PTPN20: variants seen among roughly 807,000 people sequenced by gnomAD.
PTPN20 encodes protein tyrosine phosphatase non-receptor type 20, also known as tyrosine-protein phosphatase non-receptor type 20.
Under a neutral mutation model 35.0 loss-of-function variants are expected in PTPN20, and 9 were observed. That is an observed-to-expected ratio of 0.26 (90% confidence interval 0.15 to 0.45). The LOEUF is 0.45. Ranked by LOEUF, PTPN20 falls within the 20% of genes least tolerant of loss-of-function variation. The pLI is 1.00. For synonymous variants in PTPN20, 32 were observed against 100.2 expected (o/e 0.32, Z 4.06); for missense variants, 111 against 312.5 (o/e 0.36, Z 4.86).
intron 5 of PTPN20, among the ~76,000 whole-genome samples, chr10:46,953,417 T>C (rs1374968814): frequency 4.2e-5 from 6 of 141,792 alleles, no homozygotes; most frequent in African/African-American, 1.5e-4. Flanking sequence ...CTTACTAACT[T>C]ATTGCATTCG....
rs1590080051 is a variant in PTPN20 at position 47,000,929 on chromosome 10, CT to C, written c.*190del. 2.2e-5 allele frequency: 15 copies of C among 675,674 alleles called. No homozygotes were observed. In the East Asian group the frequency reaches 4.1e-4, roughly 18 times the overall value. 41.9% of individuals were successfully genotyped at this position (675,674 alleles called of 1,614,324 possible). A position where few individuals can be genotyped will look rare whatever the true frequency, so the allele number is the denominator to read the frequency against. On this transcript the variant is annotated 3_prime_UTR_variant, in exon 11 of 11. Coordinates refer to ENST00000374339, the MANE Select transcript of PTPN20 (RefSeq NM_001042357.5). ...TTTGGCTTGGGGTGATCAGTGTTTA[CT>C]TATTGATCTTGCTAGACAATATCAA...
At chr10:46,921,574 GTGT>G (rs1270349829) in intron 1 of PTPN20, among the ~76,000 whole-genome samples, 4 of 147,230 alleles carry the variant, frequency 2.7e-5, no homozygotes, top group Non-Finnish European at 6.0e-5. Flanking sequence ...TATCCTTTTG[GTGT>G]TGTATTTAAA....
chr10:46,984,393 T>C lies in PTPN20; in HGVS notation c.747T>C (p.Asn249=). The C allele has an allele frequency of 1.2e-6, 2 of 1,611,896 alleles. No individual in the cohort carries two copies. The highest frequency in any genetic ancestry group is 1.7e-5 in the Admixed American group (1 of 60,004). The change falls in exon 8 of 11, where the codon AAT becomes AAC. Residue 249 remains asparagine (N), a synonymous_variant. Transcript: ENST00000374339. ...FWQMVLENNS[N]VIAMITREIE... The stretch of plus-strand genomic sequence containing the variant: ...AAATGGTGTTGGAAAATAATTCAAA[T>C]GTTATTGCCATGATAACCAGAGAGA...
intron 1 of PTPN20, among the ~76,000 whole-genome samples, chr10:46,927,571 T>C (rs1378119995): frequency 6.7e-6 from 1 of 149,816 alleles, no homozygotes; most frequent in Non-Finnish European, 1.5e-5. Context: ...CCTTTCCTTC[T>C]ACCAATCTCC....
At chr10:46,938,500 C>T (rs1442356999) in intron 2 of PTPN20, among the ~76,000 whole-genome samples, 1 of 14,060 alleles carries the variant, frequency 7.1e-5, no homozygotes, top group Non-Finnish European at 1.2e-4. Context: ...TGCTACTTTC[C>T]GGTGGTCCTT....
At position 46,932,389 on chromosome 10, in the gene PTPN20, T is replaced by C; in HGVS notation, c.-111T>C. The C allele has an allele frequency of 1.2e-6, 2 of 1,605,842 alleles. No individual in the cohort carries two copies. ...TGTGTTTTACCAGGTGAACAAAAAT[T>C]GTTTGCTGGCCCCCAGGATACTAAC... On this transcript the variant is annotated 5_prime_UTR_variant, in exon 2 of 11. Transcript: ENST00000374339.
intron 2 of PTPN20, among the ~76,000 whole-genome samples, chr10:46,937,388 A>G (rs1350270262): frequency 1.3e-5 from 2 of 151,944 alleles, no homozygotes; most frequent in Non-Finnish European, 2.9e-5. Flanking sequence ...TATTTTATTG[A>G]CCTTCTTTGG....
chr10:47,002,015 T>C lies in PTPN20; in HGVS notation c.*1274T>C, dbSNP rs1359270941. On this transcript the variant is annotated 3_prime_UTR_variant, in exon 11 of 11. Transcript: ENST00000374339. The stretch of plus-strand genomic sequence containing the variant: ...TTAATATCAATCTATAAATCTTGAA[T>C]TTCTAAGAGGCTTATTTTGTTCTTT... The C allele has an allele frequency of 4.6e-5, 7 of 152,226 alleles. No homozygotes were observed. The East Asian group carries it at 1.3e-3, about 29-fold the overall frequency. The allele number at this position is 152,226 out of a possible 1,614,324, so 9.4% of individuals were successfully genotyped here. A position where few individuals can be genotyped will look rare whatever the true frequency, so the allele number is the denominator to read the frequency against.
downstream of PTPN20, among the ~76,000 whole-genome samples, chr10:47,003,065 G>A (rs2060132364): frequency 6.6e-6 from 1 of 151,956 alleles, no homozygotes; most frequent in Non-Finnish European, 1.5e-5. Context: ...AGATTCAGAA[G>A]GTCTCTATTA....
intron 10 of PTPN20, 55 bp from the exon 11 acceptor site, chr10:47,000,621 G>T (rs2059932603): frequency 1.9e-6 from 3 of 1,597,152 alleles, no homozygotes; most frequent in Non-Finnish European, 2.6e-6. Context: ...TCTGAAAGTG[G>T]ATTCTGTTAT....
chr10:46,972,094 T>TC (rs2052339572), intron 7 of PTPN20, among the ~76,000 whole-genome samples: 1 of 103,772 alleles, frequency 9.6e-6, no homozygotes, highest in Non-Finnish European at 2.0e-5. Context: ...AAATTGGACT[T>TC]CATCAAATTA....
At chr10:46,991,997 G>A (rs956182220) in intron 9 of PTPN20, among the ~76,000 whole-genome samples, 3 of 151,860 alleles carry the variant, frequency 2.0e-5, no homozygotes, top group African/African-American at 2.4e-5. Context: ...AAAGTTTTGC[G>A]CACTATATTT....
chr10:46,925,897 T>TA (rs2037186247), intron 1 of PTPN20: 1 of 886,442 alleles, frequency 1.1e-6, no homozygotes, highest in African/African-American at 1.8e-5. Flanking sequence ...GGTTGGCCTT[T>TA]AGGCATATGT....
At chr10:47,000,589 G>A in intron 10 of PTPN20, 87 bp from the exon 11 acceptor site, 2 of 1,520,156 alleles carry the variant, frequency 1.3e-6, no homozygotes, top group Non-Finnish European at 9.1e-7. Flanking sequence ...TTCCAGTGTG[G>A]CTGAAAATTA....
chr10:46,929,155 C>T (rs2132950667), intron 1 of PTPN20, among the ~76,000 whole-genome samples: 2 of 70,564 alleles, frequency 2.8e-5, no homozygotes, highest in African/African-American at 1.5e-4. Flanking sequence ...CAGTGACTCT[C>T]CAATTATGTC....
intron 9 of PTPN20, among the ~76,000 whole-genome samples, chr10:46,997,840 T>A (rs2059410792): frequency 6.6e-6 from 1 of 152,162 alleles, no homozygotes; most frequent in Non-Finnish European, 1.5e-5. Context: ...GAAATGCTAA[T>A]TAAAACCAGG....
intron 7 of PTPN20, among the ~76,000 whole-genome samples, chr10:46,972,192 A>G (rs2052381806): frequency 1.4e-5 from 2 of 142,864 alleles, no homozygotes; most frequent in African/African-American, 5.1e-5. Context: ...CAAAACATTT[A>G]TCTCACAAAA....
At chr10:46,948,243 C>A (rs1286809421) in intron 5 of PTPN20, among the ~76,000 whole-genome samples, 2 of 152,028 alleles carry the variant, frequency 1.3e-5, no homozygotes, top group Non-Finnish European at 2.9e-5. Context: ...GTTGTTAATG[C>A]GTTTTGTTTG....
intron 6 of PTPN20, among the ~76,000 whole-genome samples, chr10:46,966,232 T>TG: frequency 6.6e-6 from 1 of 150,866 alleles, no homozygotes; most frequent in Non-Finnish European, 1.5e-5. Context: ...TACTAACTCT[T>TG]TAAGGAAAAA....
Sources: allele counts gnomAD v4.1 joint callset (sites outside exome capture counted in the v4.1 genomes callset), GRCh38; gene constraint gnomAD v4.1.1; transcripts MANE v1.5; gene names NCBI Gene and HGNC (gene_info 2026-07-23, HGNC 2026-07-21).